SCAI: variants seen among roughly 807,000 people sequenced by gnomAD.
SCAI encodes protein SCAI.
SCAI carries 24 observed loss-of-function variants against 92.2 expected under a neutral mutation model. The observed-to-expected ratio is 0.26, with a 90% confidence interval of 0.19 to 0.37. The LOEUF is 0.37. Ranked by LOEUF, SCAI falls within the 10% of genes least tolerant of loss-of-function variation. SCAI has a pLI of 1.00. For missense variants in SCAI, 450 were observed against 736.2 expected, an observed-to-expected ratio of 0.61 and a Z score of 4.50; for synonymous variants, 261 against 258.6, an observed-to-expected ratio of 1.01 and a Z score of -0.09.
chr9:125,095,793 C>A (rs542486451), intron 2 of SCAI, among the ~76,000 whole-genome samples: 1 of 152,146 alleles, frequency 6.6e-6, no homozygotes, highest in South Asian at 2.1e-4. Flanking sequence ...GATGAGAGAG[C>A]AACAAGAGAG....
chr9:125,008,239 A>G (rs562062867), intron 9 of SCAI, among the ~76,000 whole-genome samples: 39 of 151,952 alleles, frequency 2.6e-4, no homozygotes, highest in African/African-American at 8.9e-4. Context: ...CTGCCTCCAG[A>G]GTTCAAGTGA....
At chr9:124,966,116 A>T (rs557583689) in intron 17 of SCAI, among the ~76,000 whole-genome samples, 14 of 152,288 alleles carry the variant, frequency 9.2e-5, no homozygotes, top group African/African-American at 3.1e-4. Context: ...TCTAGGGTAC[A>T]TGTGCACACG....
chr9:125,028,324 ATG>A (rs1365183241), intron 5 of SCAI, 66 bp downstream of exon 5: 1 of 835,118 alleles, frequency 1.2e-6, no homozygotes, highest in East Asian at 2.6e-5. Context: ...TATACTATGT[ATG>A]TATACTTCTG....
At chr9:125,031,283 T>TG (rs1463996053) in intron 3 of SCAI, among the ~76,000 whole-genome samples, 1 of 151,764 alleles carries the variant, frequency 6.6e-6, no homozygotes, top group Non-Finnish European at 1.5e-5. Context: ...TTTTTTGAGA[T>TG]GGAGTCGCGC....
chr9:124,985,270 CAGAAAACAAA>C (rs369198975), intron 14 of SCAI, among the ~76,000 whole-genome samples: 2 of 152,016 alleles, frequency 1.3e-5, no homozygotes, highest in African/African-American at 2.4e-5. Flanking sequence ...TGATGCTGAG[CAGAAAACAAA>C]AGAAAACAAA....
Position 125,142,501 on chromosome 9 carries a change from G to A in SCAI, c.98+132C>T, listed in dbSNP as rs954695672. The A allele has an allele frequency of 9.2e-6, 6 of 653,994 alleles. No homozygotes were observed. In the African/African-American group the frequency reaches 9.3e-5, roughly 10 times the overall value. 40.5% of individuals were successfully genotyped at this position (653,994 alleles called of 1,614,324 possible). On this transcript the variant is annotated intron_variant, in intron 2 of 17. Transcript: ENST00000336505. ...AGTCCTCAAAAGAAAAATCATGCAT[G>A]TGGTTATATTCTTTTAAAAGGGGGA...
At chr9:125,132,361 C>A (rs571219632) in intron 2 of SCAI, among the ~76,000 whole-genome samples, 1 of 152,104 alleles carries the variant, frequency 6.6e-6, no homozygotes, top group Non-Finnish European at 1.5e-5. Context: ...ACCCACCCAC[C>A]TCGGCCGTCC....
intron 3 of SCAI, among the ~76,000 whole-genome samples, chr9:125,049,163 AC>A (rs1833505652): frequency 6.6e-6 from 1 of 151,852 alleles, no homozygotes; most frequent in Admixed American, 6.6e-5. Context: ...CACAATATAT[AC>A]TATTATATGT....
intron 14 of SCAI, among the ~76,000 whole-genome samples, chr9:124,988,955 T>C (rs1334477609): frequency 6.6e-6 from 1 of 151,976 alleles, no homozygotes; most frequent in Non-Finnish European, 1.5e-5. Flanking sequence ...CTGGCCAAGA[T>C]GGTGAAACCC....
intron 11 of SCAI, among the ~76,000 whole-genome samples, 167 bp from the exon 12 acceptor site, chr9:125,002,210 C>A (rs546342053): frequency 3.3e-4 from 51 of 152,302 alleles, no homozygotes; most frequent in Middle Eastern, 3.4e-3. Flanking sequence ...ACTATACACA[C>A]GGCAGAGATT....
intron 14 of SCAI, among the ~76,000 whole-genome samples, chr9:124,980,033 G>C (rs923277396): frequency 4.9e-5 from 7 of 143,608 alleles, no homozygotes; most frequent in African/African-American, 7.8e-5. Context: ...CTGGGTGACA[G>C]AGCAAGACTC....
intron 2 of SCAI, among the ~76,000 whole-genome samples, chr9:125,097,310 G>A (rs1371436055): frequency 6.6e-6 from 1 of 152,056 alleles, no homozygotes. Context: ...GTGTGTGCCT[G>A]TAATCCCAGC....
Position 124,943,376 on chromosome 9 carries a change from C to T in SCAI, c.*9431G>A, listed in dbSNP as rs1227636869. On this transcript the variant is annotated 3_prime_UTR_variant, in exon 18 of 18. Coordinates refer to ENST00000336505, the MANE Select transcript of SCAI (RefSeq NM_001144877.3). ...ATATCCAAATATTAATACAAATGAA[C>T]GACAAGATTGTTTCAAAGATTACAG... is the stretch of plus-strand genomic sequence containing the variant. The T allele has an allele frequency of 3.3e-5, 5 of 151,926 alleles. No individual in the cohort carries two copies. The East Asian group carries it at 7.7e-4, about 23-fold the overall frequency. The allele number at this position is 151,926 out of a possible 1,614,324, so 9.4% of individuals were successfully genotyped here. A position where few individuals can be genotyped will look rare whatever the true frequency, so the allele number is the denominator to read the frequency against.
intron 2 of SCAI, among the ~76,000 whole-genome samples, chr9:125,135,237 T>C (rs930735827): frequency 2.3e-4 from 35 of 152,248 alleles, no homozygotes; most frequent in African/African-American, 8.2e-4. Context: ...TCAAACTGTC[T>C]TTGTTTTTCT....
chr9:125,124,339 A>G (rs936916774), intron 2 of SCAI, among the ~76,000 whole-genome samples: 4 of 152,306 alleles, frequency 2.6e-5, no homozygotes, highest in African/African-American at 9.6e-5. Context: ...TCATGCAATT[A>G]TGGAGGCTGA....
intron 3 of SCAI, among the ~76,000 whole-genome samples, chr9:125,051,825 T>G (rs534694305): frequency 2.6e-5 from 4 of 152,330 alleles, no homozygotes; most frequent in African/African-American, 9.6e-5. Flanking sequence ...TCCCAGAACT[T>G]TGGGAGGCCA....
chr9:124,957,323 A>C (rs1012084524), intron 17 of SCAI, among the ~76,000 whole-genome samples: 1 of 151,982 alleles, frequency 6.6e-6, no homozygotes. Flanking sequence ...GTGCATTTCT[A>C]TGTATTAGCA....
intron 3 of SCAI, among the ~76,000 whole-genome samples, chr9:125,038,249 A>G (rs1166535989): frequency 6.6e-6 from 1 of 152,238 alleles, no homozygotes; most frequent in Non-Finnish European, 1.5e-5. Flanking sequence ...CCTCAAAAAA[A>G]GAAAAGAAAT....
At chr9:124,959,861 G>T (rs541068818) in intron 17 of SCAI, among the ~76,000 whole-genome samples, 6 of 152,120 alleles carry the variant, frequency 3.9e-5, no homozygotes, top group Admixed American at 1.3e-4. Context: ...CAAAGGACAT[G>T]AACTCATCCT....
Sources: gnomAD v4.1 joint callset for allele counts (sites outside exome capture counted in the v4.1 genomes callset) on GRCh38, gnomAD v4.1.1 for gene constraint, MANE v1.5 for transcripts, NCBI Gene and HGNC (gene_info 2026-07-23, HGNC 2026-07-21) for gene names.